Variants in LMBRD2 observed in about 807,000 individuals in gnomAD.
LMBRD2 encodes G protein-coupled receptor-associated protein LMBRD2.
A neutral mutation model predicts 94.4 loss-of-function variants in LMBRD2; 55 were observed. The ratio of observed to expected loss-of-function variants is 0.58; its 90% CI spans 0.47 to 0.73. The LOEUF (loss-of-function observed/expected upper bound fraction) is 0.73, where lower values mean the gene tolerates loss of function less well. Ranked by LOEUF, LMBRD2 falls within the 30% of genes least tolerant of loss-of-function variation. LMBRD2 has a pLI of 0.00. For missense variants in LMBRD2, 640 were observed against 831.9 expected (o/e 0.77, Z 2.84); for synonymous variants, 246 against 272.4 (o/e 0.90, Z 0.95).
intron 13 of LMBRD2, among the ~76,000 whole-genome samples, chr5:36,112,487 T>G (rs571193505): frequency 6.6e-6 from 1 of 152,196 alleles, no homozygotes; most frequent in South Asian, 2.1e-4. Context: ...AAAATGAACT[T>G]ATCAAGTTAA....
chr5:36,150,907 G>A (rs747752000), intron 1 of LMBRD2, among the ~76,000 whole-genome samples: 3 of 152,194 alleles, frequency 2.0e-5, no homozygotes, highest in Non-Finnish European at 4.4e-5. Context: ...AAACCAGAGG[G>A]TGTGTCATAC....
rs1744588109 is a variant in LMBRD2, at chr5:36,147,894, T to C, written c.-58+3662A>G. On this transcript the variant is annotated intron_variant, in intron 1 of 17. Transcript: ENST00000296603. Reference sequence around the variant, plus strand: ...AAAGATTCTGAAACTGAATGAAAAATTTCTGACCGGAACCTAATGATTCAT... The same window carrying C: ...AAAGATTCTGAAACTGAATGAAAAACTTCTGACCGGAACCTAATGATTCAT... The C allele has an allele frequency of 9.2e-6, 4 of 435,500 alleles. No homozygotes were observed. In the Admixed American group the frequency reaches 1.1e-4, roughly 12 times the overall value. 27.0% of individuals were successfully genotyped at this position (435,500 alleles called of 1,614,324 possible). A position where few individuals can be genotyped will look rare whatever the true frequency, so the allele number is the denominator to read the frequency against.
intron 6 of LMBRD2, among the ~76,000 whole-genome samples, chr5:36,134,259 T>TA (rs557872252): frequency 2.6e-4 from 40 of 152,238 alleles, no homozygotes; most frequent in Non-Finnish European, 4.6e-4. Context: ...CTGTAGTTCT[T>TA]ACATTTTGTA....
At chr5:36,144,957 ACTT>A (rs776908527) in intron 1 of LMBRD2, among the ~76,000 whole-genome samples, 5 of 152,098 alleles carry the variant, frequency 3.3e-5, no homozygotes, top group Non-Finnish European at 5.9e-5. Context: ...CTAAAATTGA[ACTT>A]CTTTCATCAA....
At chr5:36,116,728 G>T (rs556007332) in intron 10 of LMBRD2, 135 bp from the exon 11 acceptor site, 21 of 759,844 alleles carry the variant, frequency 2.8e-5, no homozygotes, top group Middle Eastern at 4.2e-4. Flanking sequence ...CCAGGCTGGA[G>T]TGCAGTGGCG....
chr5:36,143,701 A>C (rs1269391891), intron 1 of LMBRD2, among the ~76,000 whole-genome samples: 1 of 152,156 alleles, frequency 6.6e-6, no homozygotes, highest in Non-Finnish European at 1.5e-5. Flanking sequence ...AGATGTGAAC[A>C]GTTTTAATAC....
At chr5:36,110,808 G>A (rs33618) in intron 14 of LMBRD2, among the ~76,000 whole-genome samples, 2,035 of 152,030 alleles carry the variant, frequency 0.013, 47 homozygotes, top group African/African-American at 0.047. Flanking sequence ...GTATCAAACC[G>A]ATGATTCTTT....
At position 36,111,877 on chromosome 5, in the gene LMBRD2, C is replaced by A. The variant is rs1269339126; in HGVS notation, c.1641-619G>T. Among the ~76,000 whole-genome samples, 3 of 151,984 alleles carry A rather than the reference C, an allele frequency of 2.0e-5. No homozygotes were observed. In the South Asian group the frequency reaches 6.2e-4, roughly 31 times the overall value. On this transcript the variant is annotated intron_variant, in intron 13 of 17. Coordinates refer to ENST00000296603, the MANE Select transcript of LMBRD2 (RefSeq NM_001007527.2). ...AAATATCACTTTACAGATAAGAAAA[C>A]AGGCCTAAGGGGTTAAATACTTTGC...
rs774100334 is a variant in LMBRD2, at chr5:36,143,305, A to G, written c.45T>C (p.Phe15=). ...ATCGATGAAGCAGAAATAATGCCAG[A>G]AAAAAGACAAAAACAATCTCAAGTC... ...ALGLEIVFVF[F]LALFLLHRYG... is the part of the protein sequence containing the mutation. The change falls in exon 2 of 18, where the codon TTT becomes TTC. Residue 15 remains phenylalanine (F), a synonymous_variant. Transcript: ENST00000296603. The G allele has an allele frequency of 2.5e-6, 4 of 1,613,566 alleles. No homozygotes were observed. In the South Asian group the frequency reaches 4.4e-5, roughly 18 times the overall value.
At chr5:36,127,899 G>C (rs1278143768) in intron 6 of LMBRD2, among the ~76,000 whole-genome samples, 1 of 152,204 alleles carries the variant, frequency 6.6e-6, no homozygotes, top group African/African-American at 2.4e-5. Flanking sequence ...CCAGGGCCTT[G>C]AGCAAACATA....
chr5:36,125,283 AG>A (rs1416559993), intron 6 of LMBRD2, among the ~76,000 whole-genome samples: 5 of 152,216 alleles, frequency 3.3e-5, no homozygotes, highest in African/African-American at 7.2e-5. Context: ...GGAAAGCATA[AG>A]AGAAGTGAGC....
At chr5:36,117,060 GAAAA>G (rs1161716606) in intron 10 of LMBRD2, among the ~76,000 whole-genome samples, 2 of 151,866 alleles carry the variant, frequency 1.3e-5, no homozygotes, top group African/African-American at 2.4e-5. Flanking sequence ...CTAAGATTAT[GAAAA>G]AAACCCAACA....
At chr5:36,147,537 C>T (rs922635393) in intron 1 of LMBRD2, among the ~76,000 whole-genome samples, 10 of 152,164 alleles carry the variant, frequency 6.6e-5, no homozygotes, top group African/African-American at 1.9e-4. Context: ...CCCTTCAAAA[C>T]ACCAGTTCTG....
chr5:36,130,958 G>A (rs905108304), intron 6 of LMBRD2, among the ~76,000 whole-genome samples: 6 of 152,060 alleles, frequency 3.9e-5, no homozygotes, highest in African/African-American at 1.2e-4. Flanking sequence ...AAAAACAGAG[G>A]AGGAGGGATA....
intron 6 of LMBRD2, among the ~76,000 whole-genome samples, chr5:36,128,798 G>A (rs1037574424): frequency 2.0e-5 from 3 of 152,158 alleles, no homozygotes; most frequent in Non-Finnish European, 2.9e-5. Context: ...TGCCCTTTCA[G>A]ACAGAGAATT....
At chr5:36,133,199 C>A (rs1005640786) in intron 6 of LMBRD2, among the ~76,000 whole-genome samples, 5 of 152,030 alleles carry the variant, frequency 3.3e-5, no homozygotes, top group Non-Finnish European at 5.9e-5. Context: ...TACATATACA[C>A]AACAGAGTAC....
chr5:36,142,793 C>G (rs899967891), intron 2 of LMBRD2, 194 bp from the exon 3 acceptor site: 8 of 413,102 alleles, frequency 1.9e-5, no homozygotes, highest in Non-Finnish European at 3.5e-5. Context: ...GGCGCGATCT[C>G]GGCTTACTGC....
chr5:36,116,916 C>T (rs114489345), intron 10 of LMBRD2, among the ~76,000 whole-genome samples: 6,409 of 152,196 alleles, frequency 0.042, 210 homozygotes, highest in East Asian at 0.13. Flanking sequence ...TCTCATGATC[C>T]ATTCGCCTTC....
At chr5:36,137,530 T>A in intron 4 of LMBRD2, 89 bp from the exon 5 acceptor site, 1 of 744,606 alleles carries the variant, frequency 1.3e-6, no homozygotes, top group East Asian at 2.6e-5. Context: ...GAATCTCAAT[T>A]TTAATGAATA....
Sources: gnomAD v4.1 joint callset for allele counts (sites outside exome capture counted in the v4.1 genomes callset) on GRCh38, gnomAD v4.1.1 for gene constraint, MANE v1.5 for transcripts, NCBI Gene and HGNC (gene_info 2026-07-23, HGNC 2026-07-21) for gene names.